The following SRPRA variants were observed in gnomAD, a reference collection of about 807,000 sequenced individuals.
SRPRA encodes SRP receptor subunit alpha, also known as signal recognition particle receptor subunit alpha.
In SRPRA, 30 loss-of-function variants were observed where a neutral mutation model predicts 61.1. That is an observed-to-expected ratio of 0.49 (90% CI 0.37 to 0.67). The LOEUF (loss-of-function observed/expected upper bound fraction) is 0.67. Ranked by LOEUF, SRPRA falls within the 30% of genes least tolerant of loss-of-function variation. The pLI, the probability that SRPRA is intolerant of heterozygous loss-of-function variation, is 0.00. For missense variants in SRPRA, 759 were observed against 828.4 expected, an observed-to-expected ratio of 0.92 and a Z score of 1.03; for synonymous variants, 324 against 299.7, an observed-to-expected ratio of 1.08 and a Z score of -0.84.
At chr11:126,239,740 C>T in the SRPRA span, among the ~76,000 whole-genome samples, 1 of 152,156 alleles carries the variant, frequency 6.6e-6, no homozygotes, top group Non-Finnish European at 1.5e-5. Flanking sequence ...TCTTGAACTC[C>T]TGACCTCAAG....
At chr11:126,252,319 G>A in the SRPRA span, among the ~76,000 whole-genome samples, 2 of 152,148 alleles carry the variant, frequency 1.3e-5, no homozygotes, top group Non-Finnish European at 2.9e-5. The surrounding 1 kb of genome is among the most constrained non-coding windows in gnomAD (Gnocchi z 4.7). Context: ...TCTGTTTTCT[G>A]ACTGTTTACC....
chr11:126,245,945 G>A, the SRPRA span, among the ~76,000 whole-genome samples: 3 of 148,474 alleles, frequency 2.0e-5, no homozygotes, highest in Non-Finnish European at 4.5e-5. Flanking sequence ...GCAGTGAGCC[G>A]AGATAGCGCC....
At chr11:126,240,921 A>T in the SRPRA span, 1 of 1,614,216 alleles carries the variant, frequency 6.2e-7, no homozygotes, top group South Asian at 1.1e-5. Context: ...TTCAGGCCTT[A>T]CTGGATGCTG....
the SRPRA span, among the ~76,000 whole-genome samples, chr11:126,253,476 C>A: frequency 1.3e-5 from 2 of 152,200 alleles, no homozygotes; most frequent in African/African-American, 4.8e-5. The surrounding 1 kb of genome is among the most constrained non-coding windows in gnomAD (Gnocchi z 5.1). Context: ...TCTTCGCTGG[C>A]AGCCTTTTAG....
At chr11:126,249,680 C>T in the SRPRA span, among the ~76,000 whole-genome samples, 1,818 of 137,252 alleles carry the variant, frequency 0.013, 31 homozygotes, top group Non-Finnish European at 0.017. Context: ...TGCAGTGAGC[C>T]GAGATCACGC....
chr11:126,236,679 A>T, the SRPRA span, among the ~76,000 whole-genome samples: 2 of 151,650 alleles, frequency 1.3e-5, no homozygotes, highest in Non-Finnish European at 2.9e-5. Context: ...TGTTTTTTCT[A>T]TTCCACATTT....
At position 126,265,035 on chromosome 11, in the gene SRPRA, G is replaced by GCCA; in HGVS notation, c.1446_1448dup (p.Gly483dup). 1 of 1,614,186 alleles carries GCCA rather than the reference G, an allele frequency of 6.2e-7. No individual in the cohort carries two copies. The highest frequency in any genetic ancestry group is 8.5e-7 in the Non-Finnish European group (1 of 1,180,042). On this transcript the variant is annotated inframe_insertion, in exon 11 of 14. Coordinates refer to ENST00000332118, the MANE Select transcript of SRPRA (RefSeq NM_003139.4). The surrounding 1 kb of genome is among the most constrained non-coding windows in gnomAD (Gnocchi z 6.3). ...TTTCAAACAACTGCACCATGGTGCG[G>GCCA]CCACCATGCTTCTCTGGAGGGTGTA...
At chr11:126,245,209 G>A in the SRPRA span, 1 of 152,110 alleles carries the variant, frequency 6.6e-6, no homozygotes, top group South Asian at 2.1e-4. Flanking sequence ...AAACTCTCAT[G>A]CTGATCAGTA....
rs1400788102 is a variant in SRPRA, at chr11:126,266,218, C to T, written c.901G>A (p.Glu301Lys). The T allele has an allele frequency of 8.7e-6, 14 of 1,614,168 alleles. No individual in the cohort carries two copies. The highest frequency in any genetic ancestry group is 4.5e-5 in the East Asian group (2 of 44,894). The change falls in exon 7 of 14, where the codon GAA becomes AAA. Residue 301 changes from glutamate (E) to lysine (K), a missense_variant. By Grantham distance (56) the Glu-to-Lys change is moderately conservative. Around this residue, in one of 2 missense-constraint regions of SRPRA, gnomAD observed 475 missense variants for 462.5 expected, o/e 1.03. Transcript: ENST00000332118. ...QDLDCSSSDD[E>K]GAAQNSTKPS... ...TTGGTAGAGTTTTGAGCAGCCCCTTCGTCATCAGAGCTGCTGCAGTCCAGA... is the reference window on the plus strand; with the variant it reads ...TTGGTAGAGTTTTGAGCAGCCCCTTTGTCATCAGAGCTGCTGCAGTCCAGA...
the SRPRA span, among the ~76,000 whole-genome samples, chr11:126,251,710 G>A: frequency 2.0e-5 from 3 of 149,456 alleles, no homozygotes; most frequent in African/African-American, 7.4e-5. Context: ...TTCCTTTGTA[G>A]CACTTAGTAT....
At chr11:126,253,950 C>G in the SRPRA span, among the ~76,000 whole-genome samples, 2 of 152,206 alleles carry the variant, frequency 1.3e-5, no homozygotes, top group Non-Finnish European at 2.9e-5. This position sits in a 1 kb window ranked among gnomAD's most constrained non-coding sequence, Gnocchi z 5.1. Flanking sequence ...AGGGGCCACA[C>G]AAGGGCCTGG....
rs555469525 is a variant in SRPRA, at chr11:126,267,118, C to T, written c.526+57G>A. 26 of 1,606,510 alleles carry T rather than the reference C, an allele frequency of 1.6e-5. No individual in the cohort carries two copies. Among genetic ancestry groups the T allele is most frequent in the Middle Eastern group, 3.5e-4 (2 of 5,718 alleles). On this transcript the variant is annotated intron_variant, in intron 4 of 13. Transcript: ENST00000332118. This position sits in a 1 kb window ranked among gnomAD's most constrained non-coding sequence, Gnocchi z 4.2. ...GACAAAAGGAAGGACCACCTCAGTCCTTAGCACCGTGTTAACACCTTTCAT... is the reference window on the plus strand; with the variant it reads ...GACAAAAGGAAGGACCACCTCAGTCTTTAGCACCGTGTTAACACCTTTCAT...
chr11:126,254,400 A>C, the SRPRA span: 105 of 1,614,220 alleles, frequency 6.5e-5, no homozygotes, highest in East Asian at 3.6e-4. Context: ...ATCCGGCTGG[A>C]TATCAGAACG....
Position 126,265,065 on chromosome 11 carries a change from A to G in SRPRA, c.1419T>C (p.Ser473=), listed in dbSNP as rs199983442. The change falls in exon 11 of 14, where the codon AGT becomes AGC. Residue 473 remains serine, a synonymous_variant. Coordinates refer to ENST00000332118, the MANE Select transcript of SRPRA (RefSeq NM_003139.4). This position sits in a 1 kb window ranked among gnomAD's most constrained non-coding sequence, Gnocchi z 6.3. The stretch of plus-strand genomic sequence containing the variant: ...CATGCTTCTCTGGAGGGTGTAGGGC[A>G]CTCAAACGCCGGGTGTGTGTACGCA... ...EQLRTHTRRL[S]ALHPPEKHGG... is the part of the protein sequence containing the mutation. 6.2e-7 allele frequency: 1 copy of G among 1,614,202 alleles called. No individual in the cohort carries two copies. Among genetic ancestry groups the G allele is most frequent in the Non-Finnish European group, 8.5e-7 (1 of 1,180,044 alleles).
chr11:126,237,559 A>AGGCTCGGT, the SRPRA span, among the ~76,000 whole-genome samples: 1 of 137,956 alleles, frequency 7.2e-6, no homozygotes, highest in South Asian at 2.7e-4. Flanking sequence ...AATCTAGGCC[A>AGGCTCGGT]GGCTCGGTGG....
At chr11:126,259,161 C>T (rs909033442), downstream of SRPRA, among the ~76,000 whole-genome samples, 1 of 152,196 alleles carries the variant, frequency 6.6e-6, no homozygotes, top group Non-Finnish European at 1.5e-5. Flanking sequence ...TCAACCTTAT[C>T]TTTCACCCTT....
the SRPRA span, among the ~76,000 whole-genome samples, chr11:126,246,446 G>C: frequency 5.3e-5 from 8 of 152,242 alleles, no homozygotes; most frequent in East Asian, 1.3e-3. Context: ...CCCTTAACTT[G>C]TCAACATCTG....
At chr11:126,252,402 C>T in the SRPRA span, among the ~76,000 whole-genome samples, 1 of 152,166 alleles carries the variant, frequency 6.6e-6, no homozygotes, top group Non-Finnish European at 1.5e-5. This position sits in a 1 kb window ranked among gnomAD's most constrained non-coding sequence, Gnocchi z 4.7. Flanking sequence ...AAATACAACC[C>T]TCATGTCTCA....
chr11:126,268,875 G>T lies in SRPRA; in HGVS notation c.-71C>A. 2 of 1,299,054 alleles carry T rather than the reference G, an allele frequency of 1.5e-6. No homozygotes were observed. Among genetic ancestry groups the T allele is most frequent in the Non-Finnish European group, 2.2e-6 (2 of 901,272 alleles). 80.5% of individuals were successfully genotyped at this position (1,299,054 alleles called of 1,614,324 possible). The stretch of plus-strand genomic sequence containing the variant: ...CGCGTTCGCCGCCGCTTCCTGCTGC[G>T]CCAAGCGCGGGACACGTCACACCAG... On this transcript the variant is annotated 5_prime_UTR_variant, in exon 1 of 14. Transcript: ENST00000332118.
Sources: gnomAD v4.1 joint callset for allele counts (sites outside exome capture counted in the v4.1 genomes callset) on GRCh38, gnomAD v4.1.1 for gene constraint, gnomAD v4.1.1 regional missense constraint, Gnocchi (gnomAD v3.1) non-coding constraint, MANE v1.5 for transcripts, NCBI Gene and HGNC (gene_info 2026-07-23, HGNC 2026-07-21) for gene names.